The following SCFD2 variants were observed in gnomAD, a reference collection of about 807,000 sequenced individuals.
The protein encoded by SCFD2 is sec1 family domain containing 2, also known as sec1 family domain-containing protein 2.
Under a neutral mutation model 58.9 loss-of-function variants are expected in SCFD2, and 54 were observed. That is an observed-to-expected ratio of 0.92 (90% CI 0.74 to 1.15). The LOEUF is 1.15. Ranked by LOEUF, SCFD2 falls within the 50% of genes most tolerant of loss-of-function variation. The pLI is 0.00. For missense variants in SCFD2, 805 were observed against 836.6 expected, an observed-to-expected ratio of 0.96 and a Z score of 0.47; for synonymous variants, 321 against 335.9, an observed-to-expected ratio of 0.96 and a Z score of 0.49.
chr4:53,330,424 G>C (rs1032181075), intron 2 of SCFD2, among the ~76,000 whole-genome samples: 1 of 152,106 alleles, frequency 6.6e-6, no homozygotes, highest in African/African-American at 2.4e-5. Context: ...AGCCAGAAGA[G>C]AGTGGGGGGC....
chr4:53,288,253 T>C (rs1369154350), intron 3 of SCFD2, among the ~76,000 whole-genome samples: 2 of 152,094 alleles, frequency 1.3e-5, no homozygotes, highest in African/African-American at 2.4e-5. Flanking sequence ...GTGGGACTTA[T>C]AGAGTAGCAT....
At chr4:53,337,706 A>G (rs1733727302) in intron 2 of SCFD2, among the ~76,000 whole-genome samples, 1 of 152,214 alleles carries the variant, frequency 6.6e-6, no homozygotes, top group South Asian at 2.1e-4. Context: ...AAATTGAGGT[A>G]GATTCATGCA....
chr4:53,051,570 T>A (rs923452165), intron 5 of SCFD2, among the ~76,000 whole-genome samples: 1 of 152,166 alleles, frequency 6.6e-6, no homozygotes, highest in African/African-American at 2.4e-5. Context: ...GTGAGAAAAT[T>A]AAATTTTATT....
chr4:53,186,058 G>A (rs1427055630), intron 4 of SCFD2, among the ~76,000 whole-genome samples: 1 of 152,114 alleles, frequency 6.6e-6, no homozygotes, highest in Non-Finnish European at 1.5e-5. Flanking sequence ...TGAAAACAGT[G>A]CTTAACATTG....
At chr4:53,240,922 C>T (rs1729872363) in intron 4 of SCFD2, among the ~76,000 whole-genome samples, 2 of 152,200 alleles carry the variant, frequency 1.3e-5, no homozygotes, top group African/African-American at 4.8e-5. Flanking sequence ...ACCTCCCACA[C>T]CAAGGGACCA....
intron 4 of SCFD2, among the ~76,000 whole-genome samples, chr4:53,262,365 T>C (rs752746605): frequency 1.3e-5 from 2 of 152,244 alleles, no homozygotes; most frequent in Non-Finnish European, 2.9e-5. Context: ...ATTTATGCTT[T>C]AAGGAGGTTC....
At chr4:53,156,236 T>C (rs1414850954) in intron 4 of SCFD2, among the ~76,000 whole-genome samples, 1 of 151,282 alleles carries the variant, frequency 6.6e-6, no homozygotes, top group Non-Finnish European at 1.5e-5. Flanking sequence ...CTGTCCCTAA[T>C]AAAAATACAA....
intron 4 of SCFD2, among the ~76,000 whole-genome samples, chr4:53,156,596 C>G (rs1238215034): frequency 6.6e-5 from 10 of 151,164 alleles, no homozygotes; most frequent in African/African-American, 2.4e-4. Context: ...TACTTGGGAG[C>G]CTGAGGCAGG....
chr4:53,093,288 G>C (rs990865876), intron 5 of SCFD2, among the ~76,000 whole-genome samples: 5 of 152,084 alleles, frequency 3.3e-5, no homozygotes, highest in African/African-American at 9.7e-5. Flanking sequence ...GGCATGTTTT[G>C]ACTTATATTT....
intron 4 of SCFD2, among the ~76,000 whole-genome samples, chr4:53,255,194 C>A (rs55697816): frequency 4.8e-5 from 4 of 83,486 alleles, no homozygotes; most frequent in African/African-American, 1.2e-4. Flanking sequence ...CTTTTTTTTT[C>A]TTTTTTATTT....
chr4:52,895,534 G>A lies in SCFD2; in HGVS notation c.1843-9668C>T, dbSNP rs537830322. On this transcript the variant is annotated intron_variant, in intron 7 of 8. Transcript: ENST00000401642. The stretch of plus-strand genomic sequence containing the variant: ...TTTTATGGCTGCATAGTATTCCATG[G>A]TGTATATGTGCCACATTTGCTTAAT... Among the ~76,000 whole-genome samples the A allele has an allele frequency of 2.2e-4, 33 of 152,238 alleles. No homozygotes were observed. The South Asian group carries it at 6.6e-3, about 31-fold the overall frequency.
At chr4:53,170,008 C>T (rs1727132754) in intron 4 of SCFD2, among the ~76,000 whole-genome samples, 1 of 152,104 alleles carries the variant, frequency 6.6e-6, no homozygotes, top group South Asian at 2.1e-4. Flanking sequence ...TTAATTGTTT[C>T]CTTTACTATG....
At chr4:53,290,990 C>T (rs374343231) in intron 3 of SCFD2, among the ~76,000 whole-genome samples, 17 of 152,074 alleles carry the variant, frequency 1.1e-4, no homozygotes, top group Admixed American at 2.6e-4. Flanking sequence ...CAGAACCAGA[C>T]GGCTTCATGG....
chr4:53,250,699 C>A (rs916841731), intron 4 of SCFD2, among the ~76,000 whole-genome samples: 2 of 152,016 alleles, frequency 1.3e-5, no homozygotes, highest in Non-Finnish European at 2.9e-5. Flanking sequence ...AAACCAACGA[C>A]AACAAAGACA....
At chr4:53,247,243 G>C (rs1394543545) in intron 4 of SCFD2, among the ~76,000 whole-genome samples, 2 of 152,140 alleles carry the variant, frequency 1.3e-5, no homozygotes, top group Non-Finnish European at 2.9e-5. Context: ...TTACTAAAAT[G>C]TCAAAAAACA....
At chr4:53,006,247 C>T (rs752681286) in intron 5 of SCFD2, among the ~76,000 whole-genome samples, 13 of 152,180 alleles carry the variant, frequency 8.5e-5, no homozygotes, top group Non-Finnish European at 1.6e-4. Flanking sequence ...ATGTCCATCA[C>T]CAGCAAAAGC....
chr4:53,189,466 G>T (rs1451760757), intron 4 of SCFD2, among the ~76,000 whole-genome samples: 1 of 152,146 alleles, frequency 6.6e-6, no homozygotes, highest in Non-Finnish European at 1.5e-5. Flanking sequence ...ATCATGGACT[G>T]GGTAGCTTAA....
intron 5 of SCFD2, among the ~76,000 whole-genome samples, chr4:52,935,290 C>A (rs1367642436): frequency 6.6e-6 from 1 of 152,166 alleles, no homozygotes; most frequent in African/African-American, 2.4e-5. Context: ...ACTTTACATG[C>A]TTCTGTTTTG....
chr4:53,315,871 C>T (rs1002907070), intron 2 of SCFD2, among the ~76,000 whole-genome samples: 3 of 152,142 alleles, frequency 2.0e-5, no homozygotes, highest in African/African-American at 7.2e-5. Context: ...AGTTAGGTAA[C>T]GTTGTGGTTG....
Sources: gnomAD v4.1 joint callset for allele counts (sites outside exome capture counted in the v4.1 genomes callset) on GRCh38, gnomAD v4.1.1 for gene constraint, MANE v1.5 for transcripts, NCBI Gene and HGNC (gene_info 2026-07-23, HGNC 2026-07-21) for gene names.